Variants in KIF1A observed in about 807,000 individuals in gnomAD.
KIF1A encodes kinesin-like protein KIF1A.
In KIF1A, 46 loss-of-function variants were observed where a neutral mutation model predicts 227.3. That is an observed-to-expected ratio of 0.20 (90% CI 0.16 to 0.26). The LOEUF is 0.26. Among genes scored for constraint, KIF1A ranks in the 10% least tolerant of loss-of-function variants. The pLI is 1.00. For missense variants in KIF1A, 1,683 were observed against 2,485.9 expected, an observed-to-expected ratio of 0.68 and a Z score of 6.87; for synonymous variants, 1,022 against 1,012.8, an observed-to-expected ratio of 1.01 and a Z score of -0.17.
chr2:240,788,340 C>T lies in KIF1A; in HGVS notation c.184-110G>A. On this transcript the variant is annotated intron_variant, in intron 3 of 48. Transcript: ENST00000498729. The surrounding 1 kb of genome is among the most constrained non-coding windows in gnomAD (Gnocchi z 6.6). ...CCAGGGCCTCAGGGTGCCAGGGCAG[C>T]ACAGTGGGGAGGGATGCCTGCCCCC... The T allele has an allele frequency of 1.0e-6, 1 of 990,886 alleles. No individual in the cohort carries two copies. The highest frequency in any genetic ancestry group is 1.5e-6 in the Non-Finnish European group (1 of 646,090). The allele number at this position is 990,886 out of a possible 1,614,324, so 61.4% of individuals were successfully genotyped here.
At position 240,758,636 on chromosome 2, in the gene KIF1A, G is replaced by A. The variant is rs1281658402; in HGVS notation, c.2445-139C>T. ...AGCTCAGGGTCATCAAGGTCCAGGGGGCTTGCTAGACAGACCCCCTCTGTG... is the reference window on the plus strand; with the variant it reads ...AGCTCAGGGTCATCAAGGTCCAGGGAGCTTGCTAGACAGACCCCCTCTGTG... On this transcript the variant is annotated intron_variant, in intron 25 of 48. Transcript: ENST00000498729. The surrounding 1 kb of genome is among the most constrained non-coding windows in gnomAD (Gnocchi z 5.2). 2.3e-6 allele frequency: 2 copies of A among 876,116 alleles called. No homozygotes were observed. Among genetic ancestry groups the A allele is most frequent in the Non-Finnish European group, 3.2e-6 (2 of 625,402 alleles). 54.3% of individuals were successfully genotyped at this position (876,116 alleles called of 1,614,324 possible).
chr2:240,788,047 GTGCCTGT>G lies in KIF1A; in HGVS notation c.360_363+3del. ...GCTGCCCCCGCCCGCCCCCCGCTTC[GTGCCTGT>G]GGGATGATGCCCTGCTGGTCCTTCT... On this transcript the variant is annotated splice_donor_variant and splice_donor_region_variant and coding_sequence_variant and intron_variant, in exon 4 of 49. Transcript: ENST00000498729. LOFTEE classifies it high-confidence loss of function. This position sits in a 1 kb window ranked among gnomAD's most constrained non-coding sequence, Gnocchi z 6.6. 7.7e-7 allele frequency: 1 copy of G among 1,301,426 alleles called. No individual in the cohort carries two copies. The highest frequency in any genetic ancestry group is 1.0e-6 in the Non-Finnish European group (1 of 953,924). 80.6% of individuals were successfully genotyped at this position (1,301,426 alleles called of 1,614,324 possible).
intron 1 of KIF1A, among the ~76,000 whole-genome samples, chr2:240,802,330 T>C (rs1243299491): frequency 6.6e-6 from 1 of 152,036 alleles, no homozygotes; most frequent in Non-Finnish European, 1.5e-5. Context: ...AATAGAAAAA[T>C]ATCCAAAAAA....
At chr2:240,738,755 G>A (rs2047637051) in intron 37 of KIF1A, among the ~76,000 whole-genome samples, 1 of 152,234 alleles carries the variant, frequency 6.6e-6, no homozygotes, top group Non-Finnish European at 1.5e-5. Flanking sequence ...GGGAGAAGGT[G>A]GATCTGAGCA....
At position 240,790,008 on chromosome 2, in the gene KIF1A, C is replaced by A. The variant is rs2055463850; in HGVS notation, c.107-696G>T. ...GGTGCCTGGGGGGGTTTCCCAGGAG[C>A]TGTCCCAGTATGAGTGTCCCAGGAG... On this transcript the variant is annotated intron_variant, in intron 2 of 48. Transcript: ENST00000498729. The surrounding 1 kb of genome is among the most constrained non-coding windows in gnomAD (Gnocchi z 5.0). Among the ~76,000 whole-genome samples, 1 of 152,166 alleles carries A rather than the reference C, an allele frequency of 6.6e-6. No individual in the cohort carries two copies. The highest frequency in any genetic ancestry group is 2.4e-5 in the African/African-American group (1 of 41,448).
At chr2:240,760,041 G>A (rs1012552101) in intron 25 of KIF1A, among the ~76,000 whole-genome samples, 3 of 151,224 alleles carry the variant, frequency 2.0e-5, no homozygotes, top group Non-Finnish European at 4.4e-5. Flanking sequence ...AAAAAATTAA[G>A]GGCTCAAGAC....
intron 27 of KIF1A, among the ~76,000 whole-genome samples, chr2:240,756,306 T>C (rs2049843986): frequency 6.6e-6 from 1 of 152,236 alleles, no homozygotes. Flanking sequence ...ATGACATTCA[T>C]ATATGTAAAA....
chr2:240,776,289 C>A (rs576818630), intron 10 of KIF1A, among the ~76,000 whole-genome samples: 1 of 152,320 alleles, frequency 6.6e-6, no homozygotes, highest in South Asian at 2.1e-4. Flanking sequence ...AGTCCATGGC[C>A]CCTCCTCGAA....
chr2:240,787,634 C>G (rs2126088679), intron 4 of KIF1A, among the ~76,000 whole-genome samples: 1 of 152,320 alleles, frequency 6.6e-6, no homozygotes, highest in Non-Finnish European at 1.5e-5. Context: ...GTCCAGAGAC[C>G]TGCCCAGGGG....
At chr2:240,804,432 G>A (rs969461048) in intron 1 of KIF1A, among the ~76,000 whole-genome samples, 1 of 151,984 alleles carries the variant, frequency 6.6e-6, no homozygotes, top group Non-Finnish European at 1.5e-5. Flanking sequence ...CTCCTCAGAA[G>A]GAAAGGAAAA....
rs931432192 is a variant in KIF1A, at chr2:240,766,306, G to A, written c.1685-513C>T. On this transcript the variant is annotated intron_variant, in intron 19 of 48. Coordinates refer to ENST00000498729, the MANE Select transcript of KIF1A (RefSeq NM_001244008.2). This position sits in a 1 kb window ranked among gnomAD's most constrained non-coding sequence, Gnocchi z 5.0. ...GGGAGATGCCCTTAGCCTGGGCTGT[G>A]GGCCATGTGACGGCACACTGACACC... 2.1e-4 allele frequency among the ~76,000 whole-genome samples: 32 copies of A among 152,238 alleles called. No homozygotes were observed. Among genetic ancestry groups the A allele is most frequent in the African/African-American group, 7.5e-4 (31 of 41,458 alleles).
chr2:240,782,062 C>G, intron 10 of KIF1A: 7 of 985,404 alleles, frequency 7.1e-6, no homozygotes, highest in Non-Finnish European at 7.2e-6. Flanking sequence ...CCTGCCGGTC[C>G]CTCGAACGCT....
At chr2:240,762,921 T>C (rs1226466929) in intron 22 of KIF1A, 98 bp downstream of exon 22, 6 of 1,165,984 alleles carry the variant, frequency 5.1e-6, no homozygotes, top group Non-Finnish European at 6.7e-6. Flanking sequence ...ATGCAAGAGA[T>C]GGGGCCAGGC....
chr2:240,737,164 G>A lies in KIF1A; in HGVS notation c.3906C>T (p.Arg1302=), dbSNP rs774085794. 8 of 1,613,186 alleles carry A rather than the reference G, an allele frequency of 5.0e-6. No individual in the cohort carries two copies. Among genetic ancestry groups the A allele is most frequent in the Admixed American group, 1.7e-5 (1 of 59,986 alleles). ...CGTCGGTCTCTGGAGTGTTTCGGAT[G>A]CGGCCTGCAGAAAAGGCAACGGGCC... The part of the protein sequence containing the change: ...WKEVRELVVG[R]IRNTPETDES... Residue 1302 remains arginine, a synonymous_variant, in exon 38 of 49, where the codon CGC becomes CGT. Coordinates refer to ENST00000498729, the MANE Select transcript of KIF1A (RefSeq NM_001244008.2).
Position 240,778,841 on chromosome 2 carries a change from C to T in KIF1A, c.883-2915G>A, listed in dbSNP as rs115956358. 0.014 allele frequency among the ~76,000 whole-genome samples: 2,089 copies of T among 152,162 alleles called. 49 individuals are homozygous for T. Among genetic ancestry groups the T allele is most frequent in the African/African-American group, 0.046 (1,909 of 41,496 alleles). On this transcript the variant is annotated intron_variant, in intron 10 of 48. Coordinates refer to ENST00000498729, the MANE Select transcript of KIF1A (RefSeq NM_001244008.2). This position sits in a 1 kb window ranked among gnomAD's most constrained non-coding sequence, Gnocchi z 7.2. Reference sequence around the variant, plus strand: ...AGCTCCTCCCGCCATGGCTCACACACTTCCTCACACGTTCCTCACACAACC... The same window carrying T: ...AGCTCCTCCCGCCATGGCTCACACATTTCCTCACACGTTCCTCACACAACC...
At chr2:240,794,434 T>C (rs1397414651) in intron 2 of KIF1A, among the ~76,000 whole-genome samples, 1 of 152,222 alleles carries the variant, frequency 6.6e-6, no homozygotes, top group East Asian at 1.9e-4. Context: ...ATCTGCCCTT[T>C]ACCCACACAC....
chr2:240,744,671 TAAG>T (rs1261965524), intron 32 of KIF1A, among the ~76,000 whole-genome samples: 2 of 152,296 alleles, frequency 1.3e-5, no homozygotes, highest in Admixed American at 6.5e-5. Flanking sequence ...GATAGAGGCC[TAAG>T]AAGGGGGCAA....
At chr2:240,728,328 G>C in intron 38 of KIF1A, 4 of 1,070,788 alleles carry the variant, frequency 3.7e-6, no homozygotes, top group Non-Finnish European at 5.1e-6. Flanking sequence ...GAGGAGAAAG[G>C]AACTCGGAAG....
chr2:240,743,932 G>A lies in KIF1A; in HGVS notation c.3584+10C>T, dbSNP rs1245361105. 2 of 1,589,690 alleles carry A rather than the reference G, an allele frequency of 1.3e-6. No individual in the cohort carries two copies. Among genetic ancestry groups the A allele is most frequent in the African/African-American group, 1.3e-5 (1 of 74,448 alleles). ...CAGCAGCCCCGAACCCCCCGACCCA[G>A]GGCGCTAACCTGAGCACGTCCTTGC... On this transcript the variant is annotated intron_variant, in intron 33 of 48. Coordinates refer to ENST00000498729, the MANE Select transcript of KIF1A (RefSeq NM_001244008.2).
Sources: gnomAD v4.1 joint callset for allele counts (sites outside exome capture counted in the v4.1 genomes callset) on GRCh38, gnomAD v4.1.1 for gene constraint, Gnocchi (gnomAD v3.1) non-coding constraint, MANE v1.5 for transcripts, NCBI Gene and HGNC (gene_info 2026-07-23, HGNC 2026-07-21) for gene names.